The following ATP5F1A variants were observed in gnomAD, a reference collection of about 807,000 sequenced individuals.
ATP5F1A encodes the protein ATP synthase F(1) complex subunit alpha, mitochondrial.
ATP5F1A carries 24 observed loss-of-function variants against 57.4 expected under a neutral mutation model. That is an observed-to-expected ratio of 0.42 (90% CI 0.30 to 0.59). The LOEUF (loss-of-function observed/expected upper bound fraction) is 0.59, where lower values mean the gene tolerates loss of function less well. Ranked by LOEUF, ATP5F1A falls within the 20% of genes least tolerant of loss-of-function variation. The pLI is 0.19. For synonymous variants in ATP5F1A, 251 were observed against 255.5 expected, an observed-to-expected ratio of 0.98 and a Z score of 0.17; for missense variants, 494 against 707.9, an observed-to-expected ratio of 0.70 and a Z score of 3.43.
rs545249879 is a variant in ATP5F1A, at chr18:46,082,732, G to A, written c.*1550C>T. The A allele has an allele frequency of 2.0e-5, 3 of 152,014 alleles. No homozygotes were observed. Among genetic ancestry groups the A allele is most frequent in the African/African-American group, 7.2e-5 (3 of 41,478 alleles). The allele number at this position is 152,014 out of a possible 1,614,324, so 9.4% of individuals were successfully genotyped here. On this transcript the variant is annotated 3_prime_UTR_variant, in exon 12 of 12. Transcript: ENST00000398752. ...AGGTAACACATTAAGAATGAGCAAA[G>A]GCTATGAAAAATTAAAAGTAAATAA...
chr18:46,082,200 G>C lies in ATP5F1A; in HGVS notation c.*2082C>G, dbSNP rs1033285260. The stretch of plus-strand genomic sequence containing the variant: ...AGATCGAGACCATCCTGGCGAACAT[G>C]GTGAAACCCCGTCTCTACTAAAAAT... On this transcript the variant is annotated 3_prime_UTR_variant, in exon 12 of 12. Transcript: ENST00000398752. 1 of 150,700 alleles carries C rather than the reference G, an allele frequency of 6.6e-6. No individual in the cohort carries two copies. The highest frequency in any genetic ancestry group is 6.7e-5 in the Admixed American group (1 of 15,012). 9.3% of individuals were successfully genotyped at this position (150,700 alleles called of 1,614,324 possible). A position where few individuals can be genotyped will look rare whatever the true frequency, so the allele number is the denominator to read the frequency against.
At chr18:46,090,093 G>GGGGGGGGCCCC in intron 3 of ATP5F1A, 97 bp from the exon 4 acceptor site, 1 of 414,298 alleles carries the variant, frequency 2.4e-6, no homozygotes, top group Non-Finnish European at 4.3e-6. Context: ...GGTGGGGGGG[G>GGGGGGGGCCCC]AAGCAGTATT....
At chr18:46,103,763 A>T (rs1476825478) in intron 1 of ATP5F1A, among the ~76,000 whole-genome samples, 1 of 151,948 alleles carries the variant, frequency 6.6e-6, no homozygotes. Flanking sequence ...AAAACACAAA[A>T]ATTAGCCAGG....
At chr18:46,089,274 AG>A (rs2144187670) in intron 5 of ATP5F1A, among the ~76,000 whole-genome samples, 1 of 152,308 alleles carries the variant, frequency 6.6e-6, no homozygotes, top group East Asian at 1.9e-4. Context: ...AAATACTCAC[AG>A]GTGTGGAGGG....
rs138553638 is a variant in ATP5F1A at position 46,088,031 on chromosome 18, C to T, written c.799+78G>A. On this transcript the variant is annotated intron_variant, in intron 6 of 11. Coordinates refer to ENST00000398752, the MANE Select transcript of ATP5F1A (RefSeq NM_004046.6). ...TTAGGAAGTAATTAAAATATGCCTTCATTAAGTAGAAGCTATTCTACAATC... is the reference window on the plus strand; with the variant it reads ...TTAGGAAGTAATTAAAATATGCCTTTATTAAGTAGAAGCTATTCTACAATC... The T allele has an allele frequency of 5.9e-5, 89 of 1,502,732 alleles. No individual in the cohort carries two copies. The African/African-American group carries it at 1.1e-3, about 19-fold the overall frequency. 93.1% of individuals were successfully genotyped at this position (1,502,732 alleles called of 1,614,324 possible).
intron 10 of ATP5F1A, 163 bp downstream of exon 10, chr18:46,085,946 AAATC>A: frequency 1.2e-6 from 1 of 833,818 alleles, no homozygotes; most frequent in Non-Finnish European, 1.8e-6. Flanking sequence ...AAAAAAAAAA[AAATC>A]AAAAATCAAA....
intron 11 of ATP5F1A, 21 bp from the exon 12 acceptor site, chr18:46,084,384 G>A: frequency 6.2e-7 from 1 of 1,607,710 alleles, no homozygotes; most frequent in Non-Finnish European, 8.5e-7. Flanking sequence ...ATAAAAGCAG[G>A]TCGTAAGTTC....
intron 1 of ATP5F1A, among the ~76,000 whole-genome samples, chr18:46,096,700 G>A (rs1207314230): frequency 1.3e-5 from 2 of 151,668 alleles, no homozygotes; most frequent in Non-Finnish European, 2.9e-5. Flanking sequence ...GACAACAAGC[G>A]GCCGGGCACG....
In ATP5F1A at chr18:46,086,501, T is replaced by C. The variant is rs775740458; in HGVS notation, c.1177-7A>G. 2 of 1,611,376 alleles carry C rather than the reference T, an allele frequency of 1.2e-6. No individual in the cohort carries two copies. Among genetic ancestry groups the C allele is most frequent in the African/African-American group, 2.7e-5 (2 of 74,844 alleles). On this transcript the variant is annotated splice_polypyrimidine_tract_variant and splice_region_variant and intron_variant, in intron 8 of 11. Transcript: ENST00000398752. ...ATTCTGTTTCCAAGAAGATCTATAA[T>C]GTAAGGAAATACGCACGCTAGCAAG...
intron 3 of ATP5F1A, among the ~76,000 whole-genome samples, chr18:46,090,891 C>T (rs1231854333): frequency 6.6e-6 from 1 of 152,166 alleles, no homozygotes; most frequent in Non-Finnish European, 1.5e-5. Flanking sequence ...CTGGACAGTA[C>T]TGTTCTAGAC....
intron 1 of ATP5F1A, among the ~76,000 whole-genome samples, chr18:46,096,766 G>A (rs1375615453): frequency 6.0e-5 from 9 of 151,108 alleles, no homozygotes; most frequent in Non-Finnish European, 1.5e-5. Context: ...CGGATCACCT[G>A]ACGTCAGGAG....
At chr18:46,087,678 G>A (rs1365866836) in intron 6 of ATP5F1A, 186 bp from the exon 7 acceptor site, 13 of 624,872 alleles carry the variant, frequency 2.1e-5, no homozygotes, top group Admixed American at 3.1e-5. Context: ...TCAGGAGTTC[G>A]AGACCAGCCT....
At chr18:46,085,858 A>G (rs1224244180) in intron 10 of ATP5F1A, 2 of 427,480 alleles carry the variant, frequency 4.7e-6, no homozygotes, top group South Asian at 3.4e-5. Context: ...GCGTGAATCC[A>G]GGAGGTGGAG....
intron 1 of ATP5F1A, 141 bp downstream of exon 1, chr18:46,098,030 TG>T: frequency 7.0e-7 from 1 of 1,429,048 alleles, no homozygotes; most frequent in South Asian, 1.5e-5. Flanking sequence ...TCGCCTGCTC[TG>T]TCCAGCCGGA....
upstream of ATP5F1A, among the ~76,000 whole-genome samples, chr18:46,099,633 G>A (rs1363504638): frequency 1.3e-5 from 2 of 151,912 alleles, no homozygotes; most frequent in Non-Finnish European, 2.9e-5. Context: ...CGGCGGTGGT[G>A]GGCAGGGCGT....
At position 46,098,270 on chromosome 18, in the gene ATP5F1A, A is replaced by AGCCTCC. The variant is rs1568256605; in HGVS notation, c.-45_-40dup. The AGCCTCC allele has an allele frequency of 6.3e-7, 1 of 1,588,120 alleles. No individual in the cohort carries two copies. Among genetic ancestry groups the AGCCTCC allele is most frequent in the Admixed American group, 1.7e-5 (1 of 58,312 alleles). On this transcript the variant is annotated 5_prime_UTR_variant, in exon 1 of 12. Coordinates refer to ENST00000398752, the MANE Select transcript of ATP5F1A (RefSeq NM_004046.6). Reference sequence around the variant, plus strand: ...CCGCAGGCGGTACTTCTGCAGCCGCAGCCTCCGGACTGACTGGGACAAAAT... The same window carrying AGCCTCC: ...CCGCAGGCGGTACTTCTGCAGCCGCAGCCTCCGCCTCCGGACTGACTGGGACAAAAT...
chr18:46,082,336 G>A lies in ATP5F1A; in HGVS notation c.*1946C>T, dbSNP rs1261852915. The A allele has an allele frequency of 3.4e-5, 5 of 148,012 alleles. 1 individual carries two copies. Among genetic ancestry groups the A allele is most frequent in the African/African-American group, 7.5e-5 (3 of 39,842 alleles). The allele number at this position is 148,012 out of a possible 1,614,324, so 9.2% of individuals were successfully genotyped here. A position where few individuals can be genotyped will look rare whatever the true frequency, so the allele number is the denominator to read the frequency against. On this transcript the variant is annotated 3_prime_UTR_variant, in exon 12 of 12. Coordinates refer to ENST00000398752, the MANE Select transcript of ATP5F1A (RefSeq NM_004046.6). Reference sequence around the variant, plus strand: ...ACCCAGGGGGCAGAGCTTGCAGTGAGCCGACATCGCACCACTGCACTCCAG... The same window carrying A: ...ACCCAGGGGGCAGAGCTTGCAGTGAACCGACATCGCACCACTGCACTCCAG...
chr18:46,086,875 T>C (rs953165156), intron 8 of ATP5F1A, 133 bp downstream of exon 8: 2 of 975,750 alleles, frequency 2.0e-6, no homozygotes, highest in Non-Finnish European at 3.0e-6. Flanking sequence ...CTAACTTTTC[T>C]ATGTATTTGA....
chr18:46,087,502 T>C lies in ATP5F1A; in HGVS notation c.800-10A>G, dbSNP rs771474530. 4 of 1,608,472 alleles carry C rather than the reference T, an allele frequency of 2.5e-6. No homozygotes were observed. Among genetic ancestry groups the C allele is most frequent in the Admixed American group, 3.5e-5 (2 of 57,766 alleles). ...GTGTACTTCATGGCATCTGAGAAAATATATTTTACAATTTTATCAATATTG... is the reference window on the plus strand; with the variant it reads ...GTGTACTTCATGGCATCTGAGAAAACATATTTTACAATTTTATCAATATTG... On this transcript the variant is annotated splice_polypyrimidine_tract_variant and intron_variant, in intron 6 of 11. Coordinates refer to ENST00000398752, the MANE Select transcript of ATP5F1A (RefSeq NM_004046.6).
Sources: allele counts gnomAD v4.1 joint callset (sites outside exome capture counted in the v4.1 genomes callset), GRCh38; gene constraint gnomAD v4.1.1; transcripts MANE v1.5; gene names NCBI Gene and HGNC (gene_info 2026-07-23, HGNC 2026-07-21).